Variants in TTC28 observed in about 807,000 individuals in gnomAD.
The protein encoded by TTC28 is tetratricopeptide repeat domain 28.
In TTC28, 61 loss-of-function variants were observed where a neutral mutation model predicts 198.0. That is an observed-to-expected ratio of 0.31 (90% CI 0.25 to 0.38). The LOEUF (loss-of-function observed/expected upper bound fraction) is 0.38, where lower values mean the gene tolerates loss of function less well. TTC28 is among the 10% of genes least tolerant of loss of function. The pLI, the probability that TTC28 is intolerant of heterozygous loss-of-function variation, is 1.00. For synonymous variants in TTC28, 1,171 were observed against 1,297.8 expected (o/e 0.90, Z 2.10); for missense variants, 2,678 against 3,164.0 (o/e 0.85, Z 3.69).
chr22:28,484,162 C>A (rs2048288578), intron 2 of TTC28, among the ~76,000 whole-genome samples: 1 of 152,110 alleles, frequency 6.6e-6, no homozygotes, highest in Admixed American at 6.5e-5. Flanking sequence ...TGGCTCTCTG[C>A]CACCCAGGCT....
At chr22:28,318,552 A>G (rs1186087103) in intron 2 of TTC28, among the ~76,000 whole-genome samples, 2 of 152,180 alleles carry the variant, frequency 1.3e-5, no homozygotes, top group African/African-American at 4.8e-5. Context: ...TCAGAAAGCT[A>G]TACTATGAAG....
At chr22:28,450,719 TA>T (rs2047766485) in intron 2 of TTC28, among the ~76,000 whole-genome samples, 2 of 152,220 alleles carry the variant, frequency 1.3e-5, no homozygotes, top group Admixed American at 1.3e-4. Context: ...ATCATTTTTC[TA>T]ATGGGACTTC....
At chr22:28,630,066 T>C (rs2051148611) in intron 1 of TTC28, among the ~76,000 whole-genome samples, 1 of 152,002 alleles carries the variant, frequency 6.6e-6, no homozygotes. Flanking sequence ...GAGAGCCGGT[T>C]GTTAAGAGAC....
chr22:27,993,590 C>A, intron 17 of TTC28, 72 bp from the exon 18 acceptor site: 1 of 1,424,990 alleles, frequency 7.0e-7, no homozygotes, highest in Non-Finnish European at 9.4e-7. Context: ...TTTGAGGGTA[C>A]ACAAAGCCCC....
intron 2 of TTC28, among the ~76,000 whole-genome samples, chr22:28,606,660 G>A (rs1337662142): frequency 6.6e-6 from 1 of 152,086 alleles, no homozygotes; most frequent in Non-Finnish European, 1.5e-5. Flanking sequence ...ATTTATATGT[G>A]TGTGTATGTA....
chr22:28,413,408 A>G (rs933938496), intron 2 of TTC28, among the ~76,000 whole-genome samples: 1 of 151,870 alleles, frequency 6.6e-6, no homozygotes, highest in Non-Finnish European at 1.5e-5. Flanking sequence ...ACTGAGCGAG[A>G]CTCTGTCTTA....
chr22:27,996,401 T>G (rs1328942148), intron 16 of TTC28, 142 bp from the exon 17 acceptor site: 3 of 1,237,112 alleles, frequency 2.4e-6, no homozygotes, highest in Middle Eastern at 2.8e-4. Context: ...CAGGCTGGCC[T>G]GGGGCATCTG....
intron 2 of TTC28, among the ~76,000 whole-genome samples, chr22:28,471,352 T>C (rs951091370): frequency 2.0e-5 from 3 of 152,128 alleles, no homozygotes; most frequent in Non-Finnish European, 4.4e-5. Flanking sequence ...AAAATCCCAG[T>C]ATAATAAAAA....
intron 6 of TTC28, among the ~76,000 whole-genome samples, chr22:28,146,637 C>T (rs143283746): frequency 1.3e-5 from 2 of 152,314 alleles, no homozygotes; most frequent in Non-Finnish European, 2.9e-5. Flanking sequence ...ATATCTCCCT[C>T]TAGAGCACTC....
Position 28,564,567 on chromosome 22 carries a change from G to A in TTC28, c.381+64985C>T, listed in dbSNP as rs1381403531. Among the ~76,000 whole-genome samples the A allele has an allele frequency of 2.6e-5, 4 of 151,722 alleles. No homozygotes were observed. In the East Asian group the frequency reaches 7.7e-4, roughly 29 times the overall value. ...ATAGATAGTTGTTATATTTTTGTCT[G>A]TGATAGCAGTATTCCGTGGTTTTCC... On this transcript the variant is annotated intron_variant, in intron 2 of 22. Coordinates refer to ENST00000397906, the MANE Select transcript of TTC28 (RefSeq NM_001145418.2).
intron 6 of TTC28, among the ~76,000 whole-genome samples, chr22:28,113,907 T>C (rs1942559890): frequency 1.3e-5 from 2 of 152,218 alleles, no homozygotes; most frequent in Admixed American, 6.5e-5. Context: ...TCTTTTTGGA[T>C]CAGGAAACTG....
intron 22 of TTC28, among the ~76,000 whole-genome samples, chr22:27,984,213 T>C (rs565132360): frequency 1.3e-5 from 2 of 152,246 alleles, no homozygotes; most frequent in Non-Finnish European, 1.5e-5. Context: ...AGCTGGGGCA[T>C]GTGAGCAGTC....
At chr22:28,415,796 CA>C (rs2047159642) in intron 2 of TTC28, among the ~76,000 whole-genome samples, 1 of 152,156 alleles carries the variant, frequency 6.6e-6, no homozygotes, top group Non-Finnish European at 1.5e-5. Context: ...TATGCTACTA[CA>C]GTTGTACATC....
chr22:28,062,774 A>G (rs1940603715), intron 12 of TTC28, among the ~76,000 whole-genome samples: 1 of 151,986 alleles, frequency 6.6e-6, no homozygotes, highest in Non-Finnish European at 1.5e-5. Flanking sequence ...TCTTTTTTAT[A>G]GTTTCTAGTT....
intron 6 of TTC28, among the ~76,000 whole-genome samples, chr22:28,154,267 T>C (rs1026137373): frequency 2.0e-5 from 3 of 151,842 alleles, no homozygotes; most frequent in African/African-American, 7.3e-5. Flanking sequence ...CCAGAGGCTA[T>C]AGAATCATTG....
chr22:28,332,975 C>T (rs1257108681), intron 2 of TTC28, among the ~76,000 whole-genome samples: 1 of 152,046 alleles, frequency 6.6e-6, no homozygotes, highest in African/African-American at 2.4e-5. Context: ...ATGAGCTCTT[C>T]CTACAGCAGA....
intron 12 of TTC28, among the ~76,000 whole-genome samples, chr22:28,071,748 GAAA>G (rs371615737): frequency 1.1e-5 from 1 of 91,132 alleles, no homozygotes; most frequent in Non-Finnish European, 2.3e-5. Context: ...AAAAAAAAAG[GAAA>G]AAAAAAAAAA....
chr22:28,635,903 A>G (rs931642709), intron 1 of TTC28, among the ~76,000 whole-genome samples: 1 of 151,970 alleles, frequency 6.6e-6, no homozygotes, highest in Non-Finnish European at 1.5e-5. Context: ...GGTCTCCAGA[A>G]CTTATTTATC....
intron 2 of TTC28, among the ~76,000 whole-genome samples, chr22:28,563,879 G>C (rs2049929435): frequency 6.6e-6 from 1 of 152,016 alleles, no homozygotes; most frequent in South Asian, 2.1e-4. Flanking sequence ...ATAGCCAAAA[G>C]GTGAAAACAG....
Sources: allele counts gnomAD v4.1 joint callset (sites outside exome capture counted in the v4.1 genomes callset), GRCh38; gene constraint gnomAD v4.1.1; transcripts MANE v1.5; gene names NCBI Gene and HGNC (gene_info 2026-07-23, HGNC 2026-07-21).